CRYL1: variants seen among roughly 807,000 people sequenced by gnomAD.
CRYL1 encodes the protein lambda-crystallin homolog.
A neutral mutation model predicts 36.6 loss-of-function variants in CRYL1; 29 were observed. The observed-to-expected ratio is 0.79, with a 90% CI of 0.59 to 1.08. The LOEUF is 1.08. CRYL1 is among the 50% of genes least tolerant of loss of function. CRYL1 has a pLI of 0.00. For synonymous variants in CRYL1, 152 were observed against 151.5 expected (o/e 1.00, Z -0.02); for missense variants, 411 against 407.9 (o/e 1.01, Z -0.06).
At chr13:20,482,666 T>A (rs2033301554) in intron 3 of CRYL1, among the ~76,000 whole-genome samples, 1 of 152,186 alleles carries the variant, frequency 6.6e-6, no homozygotes, top group East Asian at 1.9e-4. Flanking sequence ...CTCCCATTAC[T>A]GGGCTTCGCC....
intron 5 of CRYL1, among the ~76,000 whole-genome samples, chr13:20,420,707 G>GTTTTTTTTTTTTT (rs1274984297): frequency 3.4e-5 from 1 of 29,508 alleles, no homozygotes; most frequent in Non-Finnish European, 7.2e-5. Context: ...GAGGTTGTGT[G>GTTTTTTTTTTTTT]TGTGTGTGTG....
intron 3 of CRYL1, among the ~76,000 whole-genome samples, chr13:20,484,293 C>T (rs1593477781): frequency 6.6e-6 from 1 of 152,038 alleles, no homozygotes; most frequent in African/African-American, 2.4e-5. Flanking sequence ...CACCACAGGG[C>T]GGGTGAGTGG....
Position 20,427,343 on chromosome 13 carries a change from T to C in CRYL1, c.633+4759A>G, listed in dbSNP as rs912746672. 5 of 984,864 alleles carry C rather than the reference T, an allele frequency of 5.1e-6. No individual in the cohort carries two copies. In the East Asian group the frequency reaches 3.4e-4, roughly 67 times the overall value. 61.0% of individuals were successfully genotyped at this position (984,864 alleles called of 1,614,324 possible). A position where few individuals can be genotyped will look rare whatever the true frequency, so the allele number is the denominator to read the frequency against. ...CAAAACGGAGTGAACATCTGTGAGA[T>C]GGCACAATAGACCTGGCTCCTTCAC... On this transcript the variant is annotated intron_variant, in intron 5 of 7. Transcript: ENST00000298248.
chr13:20,513,909 T>A (rs1338672557), intron 1 of CRYL1, among the ~76,000 whole-genome samples: 11 of 121,136 alleles, frequency 9.1e-5, no homozygotes, highest in South Asian at 2.6e-4. Context: ...AAAAAGAAAG[T>A]ATTAAAAAAA....
rs183945085 is a variant in CRYL1, at chr13:20,481,619, A to G, written c.276+7751T>C. Among the ~76,000 whole-genome samples the G allele has an allele frequency of 2.6e-3, 398 of 152,264 alleles. 2 individuals are homozygous for G. The highest frequency in any genetic ancestry group is 4.4e-3 in the Non-Finnish European group (300 of 68,012). On this transcript the variant is annotated intron_variant, in intron 3 of 7. Coordinates refer to ENST00000298248, the MANE Select transcript of CRYL1 (RefSeq NM_015974.3). The surrounding 1 kb of genome is among the most constrained non-coding windows in gnomAD (Gnocchi z 4.1). ...CTGATTTTACAGTTTTTAAAGAAAA[A>G]AACACGTATGGCCATGCGTGGTGGC... is the stretch of plus-strand genomic sequence containing the variant.
At chr13:20,405,541 G>C (rs1168049674) in intron 6 of CRYL1, among the ~76,000 whole-genome samples, 1 of 152,248 alleles carries the variant, frequency 6.6e-6, no homozygotes, top group Non-Finnish European at 1.5e-5. Flanking sequence ...AGTTAGCACT[G>C]TATTGGGTAC....
rs115934026 is a variant in CRYL1, at chr13:20,424,069, G to A, written c.633+8033C>T. Among the ~76,000 whole-genome samples the A allele has an allele frequency of 9.3e-3, 1,418 of 152,058 alleles. 25 individuals are homozygous for A. Among genetic ancestry groups the A allele is most frequent in the African/African-American group, 0.031 (1,299 of 41,494 alleles). On this transcript the variant is annotated intron_variant, in intron 5 of 7. Transcript: ENST00000298248. ...CAGGTGTGAGCCACCACGCCCGGCC[G>A]GGAATGGGCTCTGATATAGTTCTAG...
Position 20,471,771 on chromosome 13 carries a change from G to A in CRYL1, c.276+17599C>T, listed in dbSNP as rs186174464. On this transcript the variant is annotated intron_variant, in intron 3 of 7. Transcript: ENST00000298248. ...AACCCCATGGATGCTAAAATTCGAG[G>A]ATGCTCAGGTCCCTGATTTTTTTCT... Among the ~76,000 whole-genome samples, 92 of 152,082 alleles carry A rather than the reference G, an allele frequency of 6.0e-4. 3 individuals are homozygous for A. Among genetic ancestry groups the A allele is most frequent in the Admixed American group, 6.0e-3 (92 of 15,280 alleles).
At chr13:20,480,382 CAAAA>C (rs1157623995) in intron 3 of CRYL1, among the ~76,000 whole-genome samples, 2 of 135,674 alleles carry the variant, frequency 1.5e-5, no homozygotes, top group Non-Finnish European at 3.2e-5. Context: ...AACTCTGTCT[CAAAA>C]AAAAAAAAAT....
At chr13:20,476,208 T>C (rs945748300) in intron 3 of CRYL1, among the ~76,000 whole-genome samples, 1 of 152,072 alleles carries the variant, frequency 6.6e-6, no homozygotes, top group African/African-American at 2.4e-5. Context: ...GGAAGGTAAT[T>C]AGCTGGGAGT....
chr13:20,484,181 C>G (rs548087998), intron 3 of CRYL1, among the ~76,000 whole-genome samples: 1 of 152,244 alleles, frequency 6.6e-6, no homozygotes, highest in South Asian at 2.1e-4. Context: ...ATTGATTTTT[C>G]TACACTGAGA....
chr13:20,479,034 G>T (rs1332529495), intron 3 of CRYL1, among the ~76,000 whole-genome samples: 1 of 151,898 alleles, frequency 6.6e-6, no homozygotes, highest in South Asian at 2.1e-4. Context: ...AGTCTGTAAG[G>T]CCTCCCTTTA....
rs2034088062 is a variant in CRYL1 at position 20,521,129 on chromosome 13, A to AG, written c.41+4624dup. 7.3e-3 allele frequency among the ~76,000 whole-genome samples: 383 copies of AG among 52,814 alleles called. 11 individuals carry two copies. Among genetic ancestry groups the AG allele is most frequent in the South Asian group, 0.028 (25 of 886 alleles). 34.6% of individuals were successfully genotyped at this position (52,814 alleles called of 152,430 possible). ...AAAAAAAAAAAAAAAAAAAAAGGAAAGAAAGAAAGAAGGAAGAAAGGAAGG... is the reference window on the plus strand; with the variant it reads ...AAAAAAAAAAAAAAAAAAAAAGGAAAGGAAAGAAAGAAGGAAGAAAGGAAGG... On this transcript the variant is annotated intron_variant, in intron 1 of 7. Transcript: ENST00000298248.
At chr13:20,494,579 G>A (rs1258581333) in intron 2 of CRYL1, among the ~76,000 whole-genome samples, 2 of 152,316 alleles carry the variant, frequency 1.3e-5, no homozygotes, top group African/African-American at 4.8e-5. Context: ...CGCCTGATGT[G>A]CTCAAAGCAC....
At chr13:20,512,698 C>A in intron 1 of CRYL1, 148 bp from the exon 2 acceptor site, 2 of 585,154 alleles carry the variant, frequency 3.4e-6, no homozygotes, top group South Asian at 2.3e-5. Flanking sequence ...TTTAGCCGGG[C>A]ACAGAAAGAC....
chr13:20,486,253 T>C (rs2033397328), intron 3 of CRYL1, among the ~76,000 whole-genome samples: 1 of 152,192 alleles, frequency 6.6e-6, no homozygotes, highest in East Asian at 1.9e-4. Flanking sequence ...AACACATAAA[T>C]GGTGCTTCTC....
Position 20,425,269 on chromosome 13 carries a change from G to C in CRYL1, c.633+6833C>G, listed in dbSNP as rs948175789. On this transcript the variant is annotated intron_variant, in intron 5 of 7. Coordinates refer to ENST00000298248, the MANE Select transcript of CRYL1 (RefSeq NM_015974.3). This position sits in a 1 kb window ranked among gnomAD's most constrained non-coding sequence, Gnocchi z 4.4. ...TTCCAGCCACAAGACTGCTGTTCCT[G>C]TCCTTGACCTCAAAGCCTGTGAAAC... is the stretch of plus-strand genomic sequence containing the variant. Among the ~76,000 whole-genome samples, 3 of 152,190 alleles carry C rather than the reference G, an allele frequency of 2.0e-5. No homozygotes were observed. The highest frequency in any genetic ancestry group is 6.5e-5 in the Admixed American group (1 of 15,276).
chr13:20,477,221 G>C (rs893085616), intron 3 of CRYL1, among the ~76,000 whole-genome samples: 3 of 152,046 alleles, frequency 2.0e-5, no homozygotes, highest in African/African-American at 7.2e-5. Context: ...CTAGCTACTC[G>C]GGAGACTGAG....
At chr13:20,503,702 A>G (rs1368059246) in intron 2 of CRYL1, among the ~76,000 whole-genome samples, 1 of 152,156 alleles carries the variant, frequency 6.6e-6, no homozygotes, top group African/African-American at 2.4e-5. Context: ...TTGTGACCAT[A>G]CTCAGTTATT....
Sources: allele counts gnomAD v4.1 joint callset (sites outside exome capture counted in the v4.1 genomes callset), GRCh38; gene constraint gnomAD v4.1.1; non-coding constraint Gnocchi (gnomAD v3.1); transcripts MANE v1.5; gene names NCBI Gene and HGNC (gene_info 2026-07-23, HGNC 2026-07-21).